Variants in STX8 observed in about 807,000 individuals in gnomAD.
STX8 encodes syntaxin-8.
STX8 carries 23 observed loss-of-function variants against 37.5 expected under a neutral mutation model. That is an observed-to-expected ratio of 0.61 (90% CI 0.44 to 0.87). The LOEUF is 0.87. STX8 is among the 40% of genes least tolerant of loss of function. STX8 has a pLI of 0.00. For missense variants in STX8, 313 were observed against 284.7 expected (o/e 1.10, Z -0.71); for synonymous variants, 115 against 99.1 (o/e 1.16, Z -0.95).
intron 5 of STX8, among the ~76,000 whole-genome samples, chr17:9,502,462 T>C (rs1904653546): frequency 6.6e-6 from 1 of 152,238 alleles, no homozygotes; most frequent in South Asian, 2.1e-4. Context: ...TAAATATGCA[T>C]GTGAGCTTAT....
chr17:9,535,201 T>A (rs1905979363), intron 4 of STX8, among the ~76,000 whole-genome samples: 1 of 151,994 alleles, frequency 6.6e-6, no homozygotes, highest in Non-Finnish European at 1.5e-5. Flanking sequence ...ATATAATAAT[T>A]ACATAAAACT....
chr17:9,278,643 T>C (rs533289956), intron 7 of STX8, among the ~76,000 whole-genome samples: 1 of 152,210 alleles, frequency 6.6e-6, no homozygotes, highest in South Asian at 2.1e-4. Context: ...GGATTTAAGC[T>C]GACATATCAA....
intron 7 of STX8, among the ~76,000 whole-genome samples, chr17:9,326,206 T>C (rs1019433492): frequency 6.6e-6 from 1 of 152,042 alleles, no homozygotes; most frequent in African/African-American, 2.4e-5. Flanking sequence ...TCATGGCTCA[T>C]TGCAGCCTTG....
chr17:9,561,007 T>A (rs1907212014), intron 2 of STX8, among the ~76,000 whole-genome samples: 3 of 152,122 alleles, frequency 2.0e-5, no homozygotes, highest in Admixed American at 1.3e-4. Context: ...AAGAAATTCA[T>A]AATTTAACAA....
rs2142518601 is a variant in STX8 at position 9,517,892 on chromosome 17, AGGC to A, written c.324-12733_324-12731del. Among the ~76,000 whole-genome samples the A allele has an allele frequency of 2.6e-5, 4 of 152,022 alleles. No individual in the cohort carries two copies. In the East Asian group the frequency reaches 7.7e-4, roughly 29 times the overall value. ...AGAGATGGTAAGGCATTCCAAGAAA[AGGC>A]AAAAACACGAATGAGTCTCCAGGAC... On this transcript the variant is annotated intron_variant, in intron 4 of 7. Transcript: ENST00000306357.
intron 7 of STX8, among the ~76,000 whole-genome samples, chr17:9,320,376 A>T (rs1370576013): frequency 2.0e-5 from 3 of 151,930 alleles, no homozygotes; most frequent in African/African-American, 7.2e-5. Context: ...AAATTAAAAC[A>T]TGGCATGGTT....
chr17:9,459,617 TC>T (rs1405405537), intron 6 of STX8, among the ~76,000 whole-genome samples: 1 of 152,080 alleles, frequency 6.6e-6, no homozygotes, highest in African/African-American at 2.4e-5. Context: ...CCAGGTTCAC[TC>T]CATTCTCCTG....
chr17:9,434,188 A>G (rs1418420517), intron 6 of STX8, among the ~76,000 whole-genome samples: 1 of 152,132 alleles, frequency 6.6e-6, no homozygotes, highest in Non-Finnish European at 1.5e-5. Flanking sequence ...TATTTTTAGT[A>G]CAGACAGGGT....
chr17:9,377,583 A>G (rs1046889810), intron 7 of STX8, among the ~76,000 whole-genome samples: 1 of 152,162 alleles, frequency 6.6e-6, no homozygotes, highest in African/African-American at 2.4e-5. Context: ...TCAGCCTCCC[A>G]AGTAGCTGGG....
intron 6 of STX8, among the ~76,000 whole-genome samples, chr17:9,399,585 GC>G (rs1214655358): frequency 6.6e-6 from 1 of 152,130 alleles, no homozygotes; most frequent in African/African-American, 2.4e-5. Flanking sequence ...ATGAGATCCG[GC>G]CGGGTGCGGT....
At chr17:9,408,358 G>A (rs537330297) in intron 6 of STX8, among the ~76,000 whole-genome samples, 1 of 152,272 alleles carries the variant, frequency 6.6e-6, no homozygotes, top group South Asian at 2.1e-4. Flanking sequence ...CTATAAATTA[G>A]TTATCCCCAG....
intron 4 of STX8, among the ~76,000 whole-genome samples, chr17:9,505,981 G>A (rs1296327549): frequency 2.7e-5 from 4 of 150,048 alleles, no homozygotes. Context: ...GTTGCTCAGA[G>A]ACAGAAACAC....
At chr17:9,344,623 C>G (rs978415743) in intron 7 of STX8, among the ~76,000 whole-genome samples, 1 of 152,130 alleles carries the variant, frequency 6.6e-6, no homozygotes, top group African/African-American at 2.4e-5. Flanking sequence ...ACACTGAGAC[C>G]CCACACTGCT....
At chr17:9,356,960 GTTTTTTTT>G (rs140965935) in intron 7 of STX8, among the ~76,000 whole-genome samples, 5 of 61,752 alleles carry the variant, frequency 8.1e-5, no homozygotes, top group African/African-American at 3.1e-4. Flanking sequence ...CCTTTTAACA[GTTTTTTTT>G]TTTTTTTTTT....
At chr17:9,541,312 A>C (rs1292742305) in intron 4 of STX8, among the ~76,000 whole-genome samples, 2 of 152,148 alleles carry the variant, frequency 1.3e-5, no homozygotes, top group Non-Finnish European at 2.9e-5. Flanking sequence ...AGGAGAATGG[A>C]GGGCAGAGGA....
At chr17:9,406,932 C>T (rs965190253) in intron 6 of STX8, among the ~76,000 whole-genome samples, 3 of 152,132 alleles carry the variant, frequency 2.0e-5, no homozygotes, top group African/African-American at 7.2e-5. Context: ...AGGGGTAAGA[C>T]TTGGAGGCAA....
At chr17:9,337,864 C>T (rs1279421645) in intron 7 of STX8, among the ~76,000 whole-genome samples, 1 of 152,034 alleles carries the variant, frequency 6.6e-6, no homozygotes, top group Non-Finnish European at 1.5e-5. Flanking sequence ...GCCAACTGTT[C>T]AGGGTGGCTG....
chr17:9,478,102 T>G (rs1464871652), intron 6 of STX8, among the ~76,000 whole-genome samples: 1 of 152,230 alleles, frequency 6.6e-6, no homozygotes, highest in Non-Finnish European at 1.5e-5. Context: ...GAACTCCCTT[T>G]GTTGCTTTCA....
chr17:9,446,784 G>A (rs1425126544), intron 6 of STX8, among the ~76,000 whole-genome samples: 1 of 151,910 alleles, frequency 6.6e-6, no homozygotes, highest in African/African-American at 2.4e-5. Context: ...GTTTTTTTCC[G>A]TTTTCCCACT....
Sources: allele counts gnomAD v4.1 joint callset (sites outside exome capture counted in the v4.1 genomes callset), GRCh38; gene constraint gnomAD v4.1.1; transcripts MANE v1.5; gene names NCBI Gene and HGNC (gene_info 2026-07-23, HGNC 2026-07-21).